Variants in LARP4B observed in about 807,000 individuals in gnomAD.
LARP4B encodes the protein la-related protein 4B.
LARP4B carries 12 observed loss-of-function variants against 89.8 expected under a neutral mutation model. That is an observed-to-expected ratio of 0.13 (90% CI 0.09 to 0.22). The LOEUF (loss-of-function observed/expected upper bound fraction) is 0.22, where lower values mean the gene tolerates loss of function less well. Ranked by LOEUF, LARP4B falls within the 10% of genes least tolerant of loss-of-function variation. The pLI is 1.00. For synonymous variants in LARP4B, 367 were observed against 363.3 expected (o/e 1.01, Z -0.12); for missense variants, 757 against 947.7 (o/e 0.80, Z 2.64).
intron 7 of LARP4B, among the ~76,000 whole-genome samples, chr10:838,016 C>T (rs991758769): frequency 8.6e-5 from 13 of 151,886 alleles, no homozygotes; most frequent in Non-Finnish European, 1.9e-4. Flanking sequence ...TACACACATA[C>T]ATCATTGACA....
chr10:822,119 C>T lies in LARP4B; in HGVS notation c.1485-1274G>A, dbSNP rs1240827379. ...CAAAACCCAGGGAGCTGAACTCCTA[C>T]TCCGCTGCGCCAGGATTCAGAAGTA... On this transcript the variant is annotated intron_variant, in intron 13 of 17. Transcript: ENST00000316157. This position sits in a 1 kb window ranked among gnomAD's most constrained non-coding sequence, Gnocchi z 4.6. 6.6e-6 allele frequency among the ~76,000 whole-genome samples: 1 copy of T among 152,238 alleles called. No individual in the cohort carries two copies. The highest frequency in any genetic ancestry group is 1.5e-5 in the Non-Finnish European group (1 of 68,036).
At chr10:859,383 A>T (rs1834475186) in intron 5 of LARP4B, among the ~76,000 whole-genome samples, 1 of 152,216 alleles carries the variant, frequency 6.6e-6, no homozygotes, top group Middle Eastern at 3.2e-3. Flanking sequence ...CCTGTATGGA[A>T]AACTGTATGG....
chr10:834,322 CA>C (rs1833082874), intron 8 of LARP4B, among the ~76,000 whole-genome samples: 1 of 152,258 alleles, frequency 6.6e-6, no homozygotes, highest in East Asian at 1.9e-4. Context: ...TAAAGTCAAA[CA>C]ATAATACTTT....
At chr10:917,523 C>T (rs1215991488) in intron 1 of LARP4B, among the ~76,000 whole-genome samples, 1 of 152,164 alleles carries the variant, frequency 6.6e-6, no homozygotes. Flanking sequence ...CAGAGGTTGA[C>T]TATGTAGAGC....
chr10:912,774 C>A (rs1836706493), intron 1 of LARP4B, among the ~76,000 whole-genome samples: 1 of 151,712 alleles, frequency 6.6e-6, no homozygotes, highest in Non-Finnish European at 1.5e-5. Context: ...CCTGTGGTCC[C>A]AGCTACTCGG....
At chr10:918,101 G>C (rs912035983) in intron 1 of LARP4B, among the ~76,000 whole-genome samples, 6 of 152,158 alleles carry the variant, frequency 3.9e-5, no homozygotes, top group Admixed American at 3.3e-4. Flanking sequence ...CCAAAAGCAT[G>C]AAATTCAAAG....
rs1002933165 is a variant in LARP4B, at chr10:833,272, A to C, written c.751-2295T>G. Among the ~76,000 whole-genome samples, 22 of 148,432 alleles carry C rather than the reference A, an allele frequency of 1.5e-4. No homozygotes were observed. The East Asian group carries it at 3.5e-3, about 24-fold the overall frequency. ...TTTAAAAAAAAAAAAAAAAAAAAAA[A>C]AAAAAAAAAAAACCTCAAAATGTTT... On this transcript the variant is annotated intron_variant, in intron 8 of 17. Transcript: ENST00000316157.
chr10:883,843 G>T (rs1431396784), intron 3 of LARP4B, among the ~76,000 whole-genome samples: 13 of 151,250 alleles, frequency 8.6e-5, no homozygotes, highest in Admixed American at 8.6e-4. Context: ...AATGGGGGGG[G>T]AATAGATGAG....
intron 17 of LARP4B, 36 bp from the exon 18 acceptor site, chr10:813,249 T>C: frequency 3.8e-6 from 6 of 1,566,046 alleles, no homozygotes; most frequent in Non-Finnish European, 4.3e-6. Context: ...CTGTGTGAAA[T>C]GGTGTCTCTA....
chr10:876,887 G>A (rs1349467118), intron 3 of LARP4B, among the ~76,000 whole-genome samples: 3 of 152,094 alleles, frequency 2.0e-5, no homozygotes, highest in Non-Finnish European at 1.5e-5. Flanking sequence ...GGTGGAGGCT[G>A]CCCCACAGCT....
chr10:878,266 T>C (rs929134899), intron 3 of LARP4B, among the ~76,000 whole-genome samples: 6 of 152,138 alleles, frequency 3.9e-5, no homozygotes, highest in Non-Finnish European at 8.8e-5. Flanking sequence ...TGACTTGGCC[T>C]TCTCGAAGGG....
At chr10:898,311 T>C (rs1266923141) in intron 1 of LARP4B, among the ~76,000 whole-genome samples, 1 of 152,198 alleles carries the variant, frequency 6.6e-6, no homozygotes, top group African/African-American at 2.4e-5. Context: ...GAGCAGCCAT[T>C]ATAGGAAGCA....
rs752487919 is a variant in LARP4B, at chr10:843,007, T to C, written c.571A>G (p.Ile191Val). ...SQMDSDQYVP[I>V]TTVANLDHIK... Reference sequence around the variant, plus strand: ...TGGTCGAGGTTAGCCACCGTTGTGATTGGCACATACTGGTCACTATCCATC... The same window carrying C: ...TGGTCGAGGTTAGCCACCGTTGTGACTGGCACATACTGGTCACTATCCATC... Residue 191 changes from isoleucine (I) to valine (V), a missense_variant, in exon 7 of 18, where the codon ATC becomes GTC. This residue lies in a region of LARP4B where 54 missense variants were observed against 96.0 expected (regional missense o/e 0.56). Coordinates refer to ENST00000316157, the MANE Select transcript of LARP4B (RefSeq NM_015155.3). 3.7e-6 allele frequency: 6 copies of C among 1,613,956 alleles called. No homozygotes were observed. The highest frequency in any genetic ancestry group is 2.2e-5 in the East Asian group (1 of 44,900).
At chr10:928,782 A>C (rs775998258) in intron 1 of LARP4B, among the ~76,000 whole-genome samples, 6 of 152,070 alleles carry the variant, frequency 3.9e-5, no homozygotes, top group Non-Finnish European at 7.4e-5. Flanking sequence ...AGGTCTCTCT[A>C]TGTTGCCCAG....
chr10:898,026 CCGAA>C (rs1836240246), intron 1 of LARP4B, among the ~76,000 whole-genome samples: 1 of 146,256 alleles, frequency 6.8e-6, no homozygotes, highest in Non-Finnish European at 1.5e-5. Context: ...GGCAAATGAT[CCGAA>C]CGAACATTTT....
chr10:880,181 C>T (rs1486643166), intron 3 of LARP4B, among the ~76,000 whole-genome samples: 1 of 152,152 alleles, frequency 6.6e-6, no homozygotes, highest in Non-Finnish European at 1.5e-5. Flanking sequence ...CGTACAAATA[C>T]AGGAGTTGGA....
chr10:947,453 C>T, the LARP4B span, among the ~76,000 whole-genome samples: 3 of 151,988 alleles, frequency 2.0e-5, no homozygotes, highest in Non-Finnish European at 4.4e-5. Context: ...CCACGCAGTC[C>T]CAGAAAGGAC....
the LARP4B span, among the ~76,000 whole-genome samples, chr10:957,919 C>T: frequency 0.017 from 2,505 of 151,754 alleles, 78 homozygotes; most frequent in African/African-American, 0.057. Flanking sequence ...TCCTCAGCCT[C>T]CTCAGTAGCT....
At chr10:951,661 T>C in the LARP4B span, among the ~76,000 whole-genome samples, 1 of 152,256 alleles carries the variant, frequency 6.6e-6, no homozygotes, top group Admixed American at 6.5e-5. Context: ...TGATGTTGCA[T>C]CCCAGGACGA....
Sources: gnomAD v4.1 joint callset for allele counts (sites outside exome capture counted in the v4.1 genomes callset) on GRCh38, gnomAD v4.1.1 for gene constraint, gnomAD v4.1.1 regional missense constraint, Gnocchi (gnomAD v3.1) non-coding constraint, MANE v1.5 for transcripts, NCBI Gene and HGNC (gene_info 2026-07-23, HGNC 2026-07-21) for gene names.